The following TCF4 variants were observed in gnomAD, a reference collection of about 807,000 sequenced individuals.
TCF4 encodes SL3-3 enhancer factor 2.
A neutral mutation model predicts 82.1 loss-of-function variants in TCF4; 3 were observed. That is an observed-to-expected ratio of 0.04 (90% CI 0.02 to 0.09). The LOEUF is 0.09. Ranked by LOEUF, TCF4 falls within the 10% of genes least tolerant of loss-of-function variation. The pLI is 1.00. For synonymous variants in TCF4, 276 were observed against 309.6 expected, an observed-to-expected ratio of 0.89 and a Z score of 1.14; for missense variants, 518 against 852.7, an observed-to-expected ratio of 0.61 and a Z score of 4.89.
chr18:55,450,806 T>A (rs2095608735), intron 5 of TCF4, among the ~76,000 whole-genome samples: 1 of 152,218 alleles, frequency 6.6e-6, no homozygotes, highest in South Asian at 2.1e-4. Flanking sequence ...TACCTTGTAG[T>A]GACTCCATTA....
intron 6 of TCF4, among the ~76,000 whole-genome samples, chr18:55,393,139 A>T (rs1312507878): frequency 6.6e-6 from 1 of 152,248 alleles, no homozygotes; most frequent in Non-Finnish European, 1.5e-5. Flanking sequence ...TCTAGGTAGA[A>T]GGATGGCTTG....
At chr18:55,409,786 T>C (rs894488560) in intron 5 of TCF4, among the ~76,000 whole-genome samples, 1 of 152,236 alleles carries the variant, frequency 6.6e-6, no homozygotes, top group Admixed American at 6.5e-5. Context: ...CTTACGGTAA[T>C]CTGTGGCCAT....
intron 2 of TCF4, among the ~76,000 whole-genome samples, chr18:55,599,266 T>C (rs2097694208): frequency 6.6e-6 from 1 of 152,214 alleles, no homozygotes; most frequent in South Asian, 2.1e-4. Flanking sequence ...ATGATCCAAC[T>C]TCCCTCTTGC....
chr18:55,469,131 A>C, intron 3 of TCF4, among the ~76,000 whole-genome samples: 1 of 152,196 alleles, frequency 6.6e-6, no homozygotes. Context: ...ACAAATTTTC[A>C]TCTTATTTGA....
In TCF4 at chr18:55,224,251, CAT is replaced by C. The variant is rs1332898157; in HGVS notation, c.*3782_*3783del. ...CACAGTTCATATATTTTCACCATTA[CAT>C]ATGTCTATAATACTTGAAATGAGTA... On this transcript the variant is annotated 3_prime_UTR_variant, in exon 20 of 20. Transcript: ENST00000354452. 2.0e-5 allele frequency: 3 copies of C among 151,564 alleles called. No homozygotes were observed. The highest frequency in any genetic ancestry group is 2.9e-5 in the Non-Finnish European group (2 of 67,846). 9.4% of individuals were successfully genotyped at this position (151,564 alleles called of 1,614,324 possible).
At chr18:55,524,493 C>A (rs761692387) in intron 3 of TCF4, among the ~76,000 whole-genome samples, 1 of 152,056 alleles carries the variant, frequency 6.6e-6, no homozygotes, top group African/African-American at 2.4e-5. Flanking sequence ...TTCAAGTGTT[C>A]TTTTCTTTAA....
intron 13 of TCF4, chr18:55,257,635 T>C (rs1312827478): frequency 3.6e-6 from 2 of 562,922 alleles, no homozygotes; most frequent in Non-Finnish European, 6.3e-6. Context: ...AAAGAGAACA[T>C]TTAATTGATT....
chr18:55,588,525 G>A, upstream of TCF4: 2 of 1,533,168 alleles, frequency 1.3e-6, no homozygotes, highest in Non-Finnish European at 1.7e-6. Flanking sequence ...TTCAGTTTTT[G>A]CCCGTTGCAT....
At chr18:55,243,243 GT>G (rs2145043797) in intron 15 of TCF4, among the ~76,000 whole-genome samples, 2 of 152,354 alleles carry the variant, frequency 1.3e-5, no homozygotes, top group Admixed American at 1.3e-4. Context: ...GCTAAGGACT[GT>G]GTGTTAACAT....
intron 6 of TCF4, chr18:55,352,073 G>A (rs983563961): frequency 4.1e-6 from 1 of 246,734 alleles, no homozygotes; most frequent in African/African-American, 2.3e-5. Context: ...CAGACTTAGG[G>A]ATGCTTCACT....
intron 8 of TCF4, among the ~76,000 whole-genome samples, chr18:55,313,007 T>C (rs1250243093): frequency 6.6e-6 from 1 of 152,174 alleles, no homozygotes; most frequent in Non-Finnish European, 1.5e-5. Context: ...AGTGGAAATG[T>C]GATGGAATTT....
chr18:55,635,736 G>A, exon 1 of TCF4: 1 of 1,550,550 alleles, frequency 6.4e-7, no homozygotes, highest in Non-Finnish European at 8.7e-7. Flanking sequence ...TCGAGTAGCA[G>A]TTCTCAACCC....
chr18:55,462,646 C>T (rs1342560267), intron 4 of TCF4, among the ~76,000 whole-genome samples: 2 of 152,080 alleles, frequency 1.3e-5, no homozygotes, highest in Non-Finnish European at 2.9e-5. Context: ...TTCTGAAACA[C>T]AATTAAAAGT....
chr18:55,355,983 A>ATGTATT (rs1485572097), intron 6 of TCF4, among the ~76,000 whole-genome samples: 1 of 152,094 alleles, frequency 6.6e-6, no homozygotes, highest in Non-Finnish European at 1.5e-5. Context: ...AATACAGACA[A>ATGTATT]TGTATTTGGG....
intron 3 of TCF4, among the ~76,000 whole-genome samples, chr18:55,574,644 C>G (rs1335213890): frequency 6.6e-6 from 1 of 152,216 alleles, no homozygotes; most frequent in African/African-American, 2.4e-5. Flanking sequence ...TGGCCAACAT[C>G]ATTTATTTCA....
chr18:55,436,807 T>G (rs1454594400), intron 5 of TCF4, among the ~76,000 whole-genome samples: 3 of 152,204 alleles, frequency 2.0e-5, no homozygotes, highest in Non-Finnish European at 2.9e-5. Flanking sequence ...ATCTTTATTA[T>G]CCACGTCACT....
chr18:55,491,571 T>C (rs2096577348), intron 3 of TCF4, among the ~76,000 whole-genome samples: 1 of 152,214 alleles, frequency 6.6e-6, no homozygotes, highest in African/African-American at 2.4e-5. Flanking sequence ...TCTGGGCACA[T>C]ACCAGTTCTC....
chr18:55,585,201 A>G, intron 3 of TCF4, 79 bp downstream of exon 3: 1 of 1,386,574 alleles, frequency 7.2e-7, no homozygotes, highest in South Asian at 1.2e-5. Flanking sequence ...AGAACTCTTC[A>G]ACAGAGCCAA....
intron 3 of TCF4, among the ~76,000 whole-genome samples, chr18:55,490,649 T>C (rs1603579221): frequency 1.3e-5 from 2 of 152,058 alleles, no homozygotes; most frequent in Admixed American, 1.3e-4. Context: ...ACATAAAATA[T>C]GACTTAATAA....
Sources: allele counts gnomAD v4.1 joint callset (sites outside exome capture counted in the v4.1 genomes callset), GRCh38; gene constraint gnomAD v4.1.1; transcripts MANE v1.5; gene names NCBI Gene and HGNC (gene_info 2026-07-23, HGNC 2026-07-21).